IQCK: variants seen among roughly 807,000 people sequenced by gnomAD.
IQCK encodes the protein IQ domain-containing protein K.
In IQCK, 29 loss-of-function variants were observed where a neutral mutation model predicts 28.1. The observed-to-expected ratio is 1.03, with a 90% CI of 0.77 to 1.41. IQCK has a LOEUF of 1.41. Among genes scored for constraint, IQCK ranks in the 40% most tolerant of loss-of-function variants. The pLI is 0.00. For missense variants in IQCK, 359 were observed against 314.7 expected, an observed-to-expected ratio of 1.14 and a Z score of -1.07; for synonymous variants, 113 against 115.1, an observed-to-expected ratio of 0.98 and a Z score of 0.12.
chr16:19,812,962 GT>G (rs2055928106), intron 7 of IQCK, among the ~76,000 whole-genome samples: 1 of 152,236 alleles, frequency 6.6e-6, no homozygotes. Context: ...CACCTGCAGA[GT>G]TTGGTAAAAC....
intron 9 of IQCK, among the ~76,000 whole-genome samples, chr16:19,846,023 G>A (rs1336150304): frequency 6.6e-6 from 1 of 152,146 alleles, no homozygotes; most frequent in Non-Finnish European, 1.5e-5. Flanking sequence ...GCTGCAGTGA[G>A]CTGAGATCAC....
At chr16:19,805,621 A>G (rs968830365) in intron 7 of IQCK, among the ~76,000 whole-genome samples, 2 of 152,036 alleles carry the variant, frequency 1.3e-5, no homozygotes, top group African/African-American at 4.8e-5. Context: ...ATAATGCTGC[A>G]TAACAAATCA....
chr16:19,809,094 T>A (rs914129160), intron 7 of IQCK, among the ~76,000 whole-genome samples: 3 of 152,214 alleles, frequency 2.0e-5, no homozygotes, highest in African/African-American at 7.2e-5. Flanking sequence ...TGACCTCAGG[T>A]GATCCACCTG....
At chr16:19,776,231 G>A (rs946373139) in intron 6 of IQCK, among the ~76,000 whole-genome samples, 5 of 152,060 alleles carry the variant, frequency 3.3e-5, no homozygotes, top group African/African-American at 1.2e-4. Flanking sequence ...TTAAGTCTTT[G>A]CCCAGGATCT....
At chr16:19,845,915 G>A (rs1228636194) in intron 9 of IQCK, among the ~76,000 whole-genome samples, 1 of 151,764 alleles carries the variant, frequency 6.6e-6, no homozygotes, top group Admixed American at 6.6e-5. Context: ...TCTCTACCAA[G>A]GACACAAAAA....
intron 1 of IQCK, among the ~76,000 whole-genome samples, chr16:19,720,068 AGAAT>A (rs1977442288): frequency 6.6e-6 from 1 of 152,186 alleles, no homozygotes; most frequent in Non-Finnish European, 1.5e-5. Flanking sequence ...ATGGAAAAAA[AGAAT>A]GAATGTACCA....
chr16:19,810,382 A>G (rs965918873), intron 7 of IQCK, among the ~76,000 whole-genome samples: 1 of 151,968 alleles, frequency 6.6e-6, no homozygotes, highest in Non-Finnish European at 1.5e-5. Context: ...CTGTAGTCCC[A>G]GCTACTCAGG....
chr16:19,854,980 T>C (rs1261691463), intron 9 of IQCK, among the ~76,000 whole-genome samples: 1 of 152,224 alleles, frequency 6.6e-6, no homozygotes, highest in Non-Finnish European at 1.5e-5. Context: ...GCTCCAAGTA[T>C]TAAAAATATT....
chr16:19,826,080 T>C (rs1239818953), intron 7 of IQCK, among the ~76,000 whole-genome samples: 2 of 151,650 alleles, frequency 1.3e-5, no homozygotes, highest in African/African-American at 4.8e-5. Flanking sequence ...AATCTTGGCT[T>C]ACTGCAGCCT....
chr16:19,736,033 T>A, intron 4 of IQCK: 1 of 449,058 alleles, frequency 2.2e-6, no homozygotes. Flanking sequence ...GTCACTGCAC[T>A]CCAGCCTGGG....
rs143528316 is a variant in IQCK, at chr16:19,835,389, C to T, written c.802+8252C>T. Among the ~76,000 whole-genome samples, 36 of 152,202 alleles carry T rather than the reference C, an allele frequency of 2.4e-4. No individual in the cohort carries two copies. The East Asian group carries it at 4.8e-3, about 20-fold the overall frequency. On this transcript the variant is annotated intron_variant, in intron 9 of 9. Transcript: ENST00000320394. ...TCTTCACTTGGCAATATATCATTGC[C>T]ATCTGCTTCATGCCAGCACACACAG...
intron 1 of IQCK, among the ~76,000 whole-genome samples, chr16:19,726,856 G>A (rs752599917): frequency 2.6e-5 from 4 of 152,078 alleles, no homozygotes; most frequent in Admixed American, 6.6e-5. Flanking sequence ...CATTAATGCC[G>A]GGCATGCTGG....
intron 7 of IQCK, among the ~76,000 whole-genome samples, chr16:19,820,445 C>T (rs1299474075): frequency 1.3e-5 from 2 of 152,054 alleles, no homozygotes; most frequent in East Asian, 3.9e-4. Flanking sequence ...GTCAGCAGAT[C>T]AAGACCATCC....
chr16:19,835,759 A>G (rs1336320140), intron 9 of IQCK, among the ~76,000 whole-genome samples: 1 of 151,752 alleles, frequency 6.6e-6, no homozygotes, highest in Non-Finnish European at 1.5e-5. Flanking sequence ...TAATTTTTGT[A>G]TTTTTAGTAG....
chr16:19,718,607 G>A (rs1977346053), intron 1 of IQCK, 120 bp downstream of exon 1: 3 of 886,590 alleles, frequency 3.4e-6, no homozygotes, highest in African/African-American at 1.8e-5. Flanking sequence ...CAGCGGCTCC[G>A]CGGGCCCGGG....
chr16:19,786,782 TAGAAA>T (rs1337962130), intron 6 of IQCK, among the ~76,000 whole-genome samples: 2 of 100,776 alleles, frequency 2.0e-5, no homozygotes, highest in Non-Finnish European at 3.4e-5. Context: ...AAGAATCACC[TAGAAA>T]AGAAAGAAAG....
intron 4 of IQCK, chr16:19,735,920 G>A: frequency 3.0e-6 from 1 of 337,894 alleles, no homozygotes; most frequent in Admixed American, 4.1e-5. Flanking sequence ...TTTTAAATTA[G>A]CTAGGTGTGG....
chr16:19,831,379 A>G (rs1392492268), downstream of IQCK, among the ~76,000 whole-genome samples: 1 of 152,194 alleles, frequency 6.6e-6, no homozygotes, highest in Non-Finnish European at 1.5e-5. Context: ...GCTGCACACC[A>G]GGTGAAGCAG....
At chr16:19,830,144 G>A (rs1241525819), downstream of IQCK, among the ~76,000 whole-genome samples, 2 of 152,206 alleles carry the variant, frequency 1.3e-5, no homozygotes, top group African/African-American at 4.8e-5. Context: ...TTGTAAAGAA[G>A]CAGCTTGAGC....
Sources: gnomAD v4.1 joint callset for allele counts (sites outside exome capture counted in the v4.1 genomes callset) on GRCh38, gnomAD v4.1.1 for gene constraint, MANE v1.5 for transcripts, NCBI Gene and HGNC (gene_info 2026-07-23, HGNC 2026-07-21) for gene names.